Variants in ANO10 observed in about 807,000 individuals in gnomAD.
ANO10 encodes anoctamin-10.
Under a neutral mutation model 74.7 loss-of-function variants are expected in ANO10, and 77 were observed. The ratio of observed to expected loss-of-function variants is 1.03; its 90% CI spans 0.86 to 1.25. The LOEUF is 1.25. ANO10 is among the 50% of genes most tolerant of loss of function. The pLI, the probability that ANO10 is intolerant of heterozygous loss-of-function variation, is 0.00. For missense variants in ANO10, 721 were observed against 778.1 expected, an observed-to-expected ratio of 0.93 and a Z score of 0.87; for synonymous variants, 279 against 284.9, an observed-to-expected ratio of 0.98 and a Z score of 0.21.
chr3:43,621,426 G>T (rs535103068), intron 1 of ANO10, among the ~76,000 whole-genome samples: 1 of 152,038 alleles, frequency 6.6e-6, no homozygotes, highest in Non-Finnish European at 1.5e-5. Flanking sequence ...AGACAGCCTA[G>T]TCCGCCCTGA....
At chr3:43,546,160 T>A (rs2079182017) in intron 11 of ANO10, among the ~76,000 whole-genome samples, 1 of 152,226 alleles carries the variant, frequency 6.6e-6, no homozygotes, top group Non-Finnish European at 1.5e-5. Flanking sequence ...AAATACACAC[T>A]GTGACAGAAA....
intron 12 of ANO10, among the ~76,000 whole-genome samples, chr3:43,430,437 C>T (rs2148935874): frequency 6.6e-6 from 1 of 151,686 alleles, no homozygotes; most frequent in East Asian, 1.9e-4. Context: ...AATCTGTCAA[C>T]CTTGAATTTT....
chr3:43,584,233 G>C (rs1310614571), intron 4 of ANO10, among the ~76,000 whole-genome samples: 1 of 152,200 alleles, frequency 6.6e-6, no homozygotes, highest in Non-Finnish European at 1.5e-5. Context: ...GAATGAGGGG[G>C]AACCCCAATA....
chr3:43,660,032 C>A lies in ANO10; in HGVS notation c.-12+31485G>T, dbSNP rs182000710. Among the ~76,000 whole-genome samples, 1,460 of 152,302 alleles carry A rather than the reference C, an allele frequency of 9.6e-3. 11 individuals are homozygous for A. The highest frequency in any genetic ancestry group is 0.016 in the Non-Finnish European group (1,117 of 68,014). The stretch of plus-strand genomic sequence containing the variant: ...GTCTGTTAGAAGGAAAACTAACAAA[C>A]AGAAAGGAATAGCATCAACATCAAC... On this transcript the variant is annotated intron_variant, in intron 1 of 3. Transcript: ENST00000413397.
chr3:43,517,681 AT>A, intron 11 of ANO10, among the ~76,000 whole-genome samples: 1 of 152,268 alleles, frequency 6.6e-6, no homozygotes. Flanking sequence ...CCTTGCTTGG[AT>A]TTTTGTTCTT....
At chr3:43,592,591 T>C (rs988491187) in intron 4 of ANO10, among the ~76,000 whole-genome samples, 2 of 152,122 alleles carry the variant, frequency 1.3e-5, no homozygotes, top group African/African-American at 4.8e-5. Context: ...CAAAACCCCA[T>C]CTGTACATCA....
chr3:43,371,732 CT>C (rs1304875067), intron 12 of ANO10, among the ~76,000 whole-genome samples: 1 of 152,184 alleles, frequency 6.6e-6, no homozygotes, highest in Non-Finnish European at 1.5e-5. Context: ...GCCCTGGGGA[CT>C]CACAAGGCTA....
intron 11 of ANO10, among the ~76,000 whole-genome samples, chr3:43,505,909 G>A (rs1002562320): frequency 5.3e-5 from 8 of 152,154 alleles, no homozygotes; most frequent in African/African-American, 1.7e-4. Context: ...CTGTAGCAGA[G>A]AGACATGTGC....
chr3:43,433,251 T>C (rs1289051537), intron 11 of ANO10, among the ~76,000 whole-genome samples: 1 of 152,128 alleles, frequency 6.6e-6, no homozygotes. Context: ...CCCAGCCAAC[T>C]TTATTCTTTT....
chr3:43,423,810 A>G (rs564925070), intron 12 of ANO10, among the ~76,000 whole-genome samples: 2 of 152,364 alleles, frequency 1.3e-5, no homozygotes, highest in Non-Finnish European at 2.9e-5. Flanking sequence ...ACACTGGCAC[A>G]TGCAAAAGGT....
intron 11 of ANO10, among the ~76,000 whole-genome samples, chr3:43,513,398 T>G (rs1184626651): frequency 1.3e-5 from 2 of 152,198 alleles, no homozygotes; most frequent in Non-Finnish European, 2.9e-5. Flanking sequence ...AAAATAAAGA[T>G]GTATACTATA....
At chr3:43,542,785 G>C (rs911999102) in intron 11 of ANO10, among the ~76,000 whole-genome samples, 2 of 152,170 alleles carry the variant, frequency 1.3e-5, no homozygotes, top group Non-Finnish European at 2.9e-5. Flanking sequence ...GTTTCATTCT[G>C]ATACTAAGCT....
chr3:43,465,328 T>C (rs35418463), intron 11 of ANO10, among the ~76,000 whole-genome samples: 33,882 of 152,148 alleles, frequency 0.22, 4,309 homozygotes, highest in Middle Eastern at 0.36. Context: ...ACCTAGGCCA[T>C]GTGGTATAGC....
intron 1 of ANO10, among the ~76,000 whole-genome samples, chr3:43,666,079 A>G (rs1314828364): frequency 1.3e-5 from 2 of 152,136 alleles, no homozygotes; most frequent in Non-Finnish European, 2.9e-5. Context: ...ATAATACTAT[A>G]TTTCTGTCAT....
intron 12 of ANO10, among the ~76,000 whole-genome samples, chr3:43,378,418 A>G (rs2125690307): frequency 6.6e-6 from 1 of 152,350 alleles, no homozygotes; most frequent in Non-Finnish European, 1.5e-5. Context: ...TATGAAATGC[A>G]GCCACAACTG....
chr3:43,504,873 C>G (rs1394270506), intron 11 of ANO10, among the ~76,000 whole-genome samples: 1 of 152,132 alleles, frequency 6.6e-6, no homozygotes, highest in African/African-American at 2.4e-5. Context: ...AACTCCTGAC[C>G]TCGTAATCCT....
intron 12 of ANO10, among the ~76,000 whole-genome samples, chr3:43,386,666 T>TGC (rs774518858): frequency 2.6e-5 from 4 of 151,376 alleles, no homozygotes; most frequent in Non-Finnish European, 5.9e-5. Context: ...TGTGTGTGTG[T>TGC]GTGTGTGTGT....
At chr3:43,537,900 T>G (rs996699834) in intron 11 of ANO10, among the ~76,000 whole-genome samples, 6 of 152,222 alleles carry the variant, frequency 3.9e-5, no homozygotes, top group African/African-American at 1.4e-4. Context: ...AATCCAGTCT[T>G]AGCCACATGG....
intron 2 of ANO10, 92 bp from the exon 3 acceptor site, chr3:43,600,673 T>G: frequency 1.8e-6 from 2 of 1,125,200 alleles, no homozygotes; most frequent in Non-Finnish European, 2.6e-6. Context: ...TCTAGTCTGG[T>G]AGAAGAAAAA....
Sources: gnomAD v4.1 joint callset for allele counts (sites outside exome capture counted in the v4.1 genomes callset) on GRCh38, gnomAD v4.1.1 for gene constraint, MANE v1.5 for transcripts, NCBI Gene and HGNC (gene_info 2026-07-23, HGNC 2026-07-21) for gene names.